ARHGEF3: variants seen among roughly 807,000 people sequenced by gnomAD.
The protein encoded by ARHGEF3 is 59.8 kDA protein.
In ARHGEF3, 28 loss-of-function variants were observed where a neutral mutation model predicts 63.2. That is an observed-to-expected ratio of 0.44 (90% confidence interval 0.33 to 0.61). The LOEUF (loss-of-function observed/expected upper bound fraction) is 0.61. ARHGEF3 is among the 20% of genes least tolerant of loss of function. The pLI is 0.03. For missense variants in ARHGEF3, 533 were observed against 659.3 expected (o/e 0.81, Z 2.10); for synonymous variants, 266 against 254.2 (o/e 1.05, Z -0.44).
At chr3:56,750,676 T>G (rs1032234994) in intron 6 of ARHGEF3, among the ~76,000 whole-genome samples, 15 of 151,260 alleles carry the variant, frequency 9.9e-5, no homozygotes, top group Non-Finnish European at 3.0e-5. Context: ...ACAAGTTTTT[T>G]TTTTTTTTTT....
chr3:56,860,398 G>T (rs1219310087), intron 4 of ARHGEF3, among the ~76,000 whole-genome samples: 1 of 152,070 alleles, frequency 6.6e-6, no homozygotes, highest in African/African-American at 2.4e-5. Context: ...GCCCAGGCTG[G>T]TCTCTAGCTC....
intron 2 of ARHGEF3, among the ~76,000 whole-genome samples, chr3:56,995,619 CCGAGAGAGAGAGAGAG>C (rs1286682402): frequency 1.7e-5 from 1 of 57,418 alleles, no homozygotes; most frequent in Non-Finnish European, 3.1e-5. Context: ...AGTAAATTTT[CCGAGAGAGAGAGAGAG>C]AGAGAGAGAG....
At chr3:56,810,558 A>G (rs2038027294) in intron 4 of ARHGEF3, among the ~76,000 whole-genome samples, 1 of 152,152 alleles carries the variant, frequency 6.6e-6, no homozygotes, top group African/African-American at 2.4e-5. Context: ...GAAAAGAAAA[A>G]TATTGTCAAT....
At chr3:56,832,955 T>C (rs1421042152) in intron 4 of ARHGEF3, among the ~76,000 whole-genome samples, 3 of 152,258 alleles carry the variant, frequency 2.0e-5, no homozygotes, top group African/African-American at 7.2e-5. Flanking sequence ...CATGCATCAG[T>C]ATTCATTCCT....
intron 1 of ARHGEF3, among the ~76,000 whole-genome samples, chr3:56,787,757 A>G (rs1406348937): frequency 6.7e-6 from 1 of 148,674 alleles, no homozygotes; most frequent in Non-Finnish European, 1.5e-5. Context: ...ATACAGGAGG[A>G]CTTTGTGCTA....
At chr3:56,754,727 CTAAA>C (rs1353617734) in intron 3 of ARHGEF3, among the ~76,000 whole-genome samples, 3 of 152,148 alleles carry the variant, frequency 2.0e-5, no homozygotes, top group Admixed American at 2.0e-4. Flanking sequence ...CTTCAGAATC[CTAAA>C]TAGACACTTG....
intron 3 of ARHGEF3, among the ~76,000 whole-genome samples, chr3:56,923,185 G>A (rs1165765798): frequency 2.0e-5 from 3 of 150,776 alleles, no homozygotes; most frequent in African/African-American, 7.3e-5. Flanking sequence ...CCAAGATCGT[G>A]CCACTCCAGC....
At chr3:57,010,250 A>G (rs12487820) in intron 2 of ARHGEF3, among the ~76,000 whole-genome samples, 635 of 151,742 alleles carry the variant, frequency 4.2e-3, no homozygotes, top group Admixed American at 6.9e-3. Flanking sequence ...GTCAGGAGAT[A>G]GAGACCATCC....
chr3:56,971,693 T>C (rs1436637368), intron 2 of ARHGEF3, among the ~76,000 whole-genome samples: 2 of 150,422 alleles, frequency 1.3e-5, no homozygotes, highest in Non-Finnish European at 3.0e-5. Context: ...CTACTAAAAA[T>C]ACAAAAAAAA....
chr3:56,941,506 C>T (rs17825642), intron 3 of ARHGEF3, among the ~76,000 whole-genome samples: 31,374 of 152,192 alleles, frequency 0.21, 3,593 homozygotes, highest in Middle Eastern at 0.39. Context: ...TGATGCCCGG[C>T]CCACAGAACA....
chr3:56,885,660 C>T lies in ARHGEF3; in HGVS notation c.130-3306G>A, dbSNP rs1002726651. Among the ~76,000 whole-genome samples the T allele has an allele frequency of 2.0e-5, 3 of 152,150 alleles. No individual in the cohort carries two copies. In the South Asian group the frequency reaches 6.2e-4, roughly 32 times the overall value. On this transcript the variant is annotated intron_variant, in intron 3 of 12. Coordinates refer to the ARHGEF3 transcript ENST00000338458. Reference sequence around the variant, plus strand: ...CCAAGCCTCATGAGTTCCCCCAACCCAGTTCCTGCCAGATACTGCCACCTG... The same window carrying T: ...CCAAGCCTCATGAGTTCCCCCAACCTAGTTCCTGCCAGATACTGCCACCTG...
intron 1 of ARHGEF3, among the ~76,000 whole-genome samples, chr3:57,068,152 T>TGC (rs1242185061): frequency 6.8e-5 from 7 of 102,990 alleles, no homozygotes; most frequent in Admixed American, 5.8e-4. Flanking sequence ...AATTCAGATA[T>TGC]GCGCGCACAC....
chr3:56,968,254 A>ATAAATATATAT (rs1333970294), intron 2 of ARHGEF3, among the ~76,000 whole-genome samples: 39 of 49,176 alleles, frequency 7.9e-4, no homozygotes, highest in Non-Finnish European at 1.3e-3. Flanking sequence ...ATTAATATAT[A>ATAAATATATAT]ATATTTAAAT....
At chr3:57,077,009 A>G (rs1200555982) in intron 1 of ARHGEF3, 1 of 152,194 alleles carries the variant, frequency 6.6e-6, no homozygotes, top group Non-Finnish European at 1.5e-5. Context: ...GGTCAGAAAA[A>G]CCATCTGTAC....
chr3:56,949,334 C>T (rs1305637793), intron 3 of ARHGEF3, among the ~76,000 whole-genome samples: 1 of 151,886 alleles, frequency 6.6e-6, no homozygotes, highest in Non-Finnish European at 1.5e-5. Flanking sequence ...AAGAGGAAGT[C>T]AAATTGTCCC....
intron 3 of ARHGEF3, among the ~76,000 whole-genome samples, chr3:56,922,231 T>C (rs1036016980): frequency 1.3e-5 from 2 of 152,228 alleles, no homozygotes; most frequent in Non-Finnish European, 2.9e-5. Context: ...TCATCCAGTT[T>C]ATTTCTTAGA....
At chr3:56,825,109 T>C (rs978296785) in intron 4 of ARHGEF3, among the ~76,000 whole-genome samples, 2 of 152,200 alleles carry the variant, frequency 1.3e-5, no homozygotes, top group Admixed American at 6.5e-5. Flanking sequence ...GAGCCTCAGT[T>C]TCCTCGCCTA....
intron 4 of ARHGEF3, among the ~76,000 whole-genome samples, chr3:56,834,746 C>CAAAAAAAAA (rs763133636): frequency 1.4e-5 from 1 of 69,756 alleles, no homozygotes; most frequent in Non-Finnish European, 3.1e-5. Flanking sequence ...CTCTGACTTA[C>CAAAAAAAAA]AAAAAAAAAA....
intron 2 of ARHGEF3, among the ~76,000 whole-genome samples, chr3:57,022,240 C>T (rs1330568779): frequency 2.6e-5 from 4 of 152,180 alleles, no homozygotes; most frequent in Non-Finnish European, 5.9e-5. Flanking sequence ...CCTCACTGCA[C>T]TCCAGCCTGG....
Sources: gnomAD v4.1 joint callset for allele counts (sites outside exome capture counted in the v4.1 genomes callset) on GRCh38, gnomAD v4.1.1 for gene constraint, MANE v1.5 for transcripts, NCBI Gene and HGNC (gene_info 2026-07-23, HGNC 2026-07-21) for gene names.